CELF2: variants seen among roughly 807,000 people sequenced by gnomAD.
CELF2 encodes CUGBP Elav-like family member 2.
CELF2 carries 8 observed loss-of-function variants against 62.6 expected under a neutral mutation model. That is an observed-to-expected ratio of 0.13 (90% confidence interval 0.07 to 0.23). CELF2 has a LOEUF of 0.23. Among genes scored for constraint, CELF2 ranks in the 10% least tolerant of loss-of-function variants. The pLI is 1.00. For missense variants in CELF2, 333 were observed against 671.0 expected (o/e 0.50, Z 5.56); for synonymous variants, 258 against 250.0 (o/e 1.03, Z -0.30).
the CELF2 span, among the ~76,000 whole-genome samples, chr10:10,725,468 T>A: frequency 4.0e-4 from 61 of 152,338 alleles, no homozygotes; most frequent in African/African-American, 1.4e-3. Flanking sequence ...TAATGTATAC[T>A]CACGGCTGGT....
the CELF2 span, among the ~76,000 whole-genome samples, chr10:10,561,383 C>G: frequency 3.9e-5 from 6 of 152,238 alleles, no homozygotes; most frequent in African/African-American, 7.2e-5. Context: ...TAGTCATGCT[C>G]CATTTCCTTT....
At chr10:10,998,061 T>C (rs910781424) in intron 2 of CELF2, among the ~76,000 whole-genome samples, 2 of 152,210 alleles carry the variant, frequency 1.3e-5, no homozygotes, top group African/African-American at 4.8e-5. Context: ...CCTGCCACCA[T>C]GTAAGATGTG....
the CELF2 span, among the ~76,000 whole-genome samples, chr10:10,514,344 A>T: frequency 6.6e-6 from 1 of 152,222 alleles, no homozygotes; most frequent in Non-Finnish European, 1.5e-5. Flanking sequence ...TAACTGACCT[A>T]CTGGTGAATC....
Position 11,224,257 on chromosome 10 carries a change from G to T in CELF2, c.354+6750G>T, listed in dbSNP as rs1281052750. Among the ~76,000 whole-genome samples the T allele has an allele frequency of 6.6e-6, 1 of 152,158 alleles. No homozygotes were observed. Among genetic ancestry groups the T allele is most frequent in the Non-Finnish European group, 1.5e-5 (1 of 68,046 alleles). On this transcript the variant is annotated intron_variant, in intron 3 of 12. Transcript: ENST00000633077. This position sits in a 1 kb window ranked among gnomAD's most constrained non-coding sequence, Gnocchi z 4.5. Reference sequence around the variant, plus strand: ...ATTAATAGGACTGTTGCCAGGGCTTGTGTGAGAAAGTATGTTAACGCGCTG... The same window carrying T: ...ATTAATAGGACTGTTGCCAGGGCTTTTGTGAGAAAGTATGTTAACGCGCTG...
intron 1 of CELF2, among the ~76,000 whole-genome samples, chr10:10,875,821 C>G (rs1354675246): frequency 6.6e-6 from 1 of 152,240 alleles, no homozygotes; most frequent in Non-Finnish European, 1.5e-5. Context: ...CTCTGCCTCT[C>G]TCTACCAATT....
At chr10:10,830,088 A>G in intron 1 of CELF2, among the ~76,000 whole-genome samples, 1 of 151,922 alleles carries the variant, frequency 6.6e-6, no homozygotes, top group East Asian at 1.9e-4. Context: ...GTTAAACTAT[A>G]GGCAGTCATG....
rs190611337 is a variant in CELF2 at position 11,199,172 on chromosome 10, T to G, written c.272-18253T>G. Among the ~76,000 whole-genome samples the G allele has an allele frequency of 5.3e-4, 80 of 152,214 alleles. 1 individual carries two copies. In the East Asian group the frequency reaches 7.7e-3, roughly 15 times the overall value. Reference sequence around the variant, plus strand: ...GTTTTATTAGAACCCAAGACCATGATCTCTGGGACCAACATCTTTAATTGG... The same window carrying G: ...GTTTTATTAGAACCCAAGACCATGAGCTCTGGGACCAACATCTTTAATTGG... On this transcript the variant is annotated intron_variant, in intron 2 of 12. Coordinates refer to ENST00000633077, the MANE Select transcript of CELF2 (RefSeq NM_001326342.2).
At chr10:10,600,263 T>C in the CELF2 span, among the ~76,000 whole-genome samples, 1 of 152,198 alleles carries the variant, frequency 6.6e-6, no homozygotes, top group Non-Finnish European at 1.5e-5. Flanking sequence ...TGAAAAGAGA[T>C]GTTTTCTTGT....
chr10:10,559,723 A>T, the CELF2 span, among the ~76,000 whole-genome samples: 1 of 152,202 alleles, frequency 6.6e-6, no homozygotes, highest in Non-Finnish European at 1.5e-5. Flanking sequence ...CTATCTGAGA[A>T]TTGTAAGGTA....
intron 2 of CELF2, among the ~76,000 whole-genome samples, chr10:10,978,037 T>G (rs545457103): frequency 1.0e-4 from 15 of 148,032 alleles, no homozygotes; most frequent in African/African-American, 3.4e-4. Flanking sequence ...TTTTTTTGTT[T>G]TTTGTTTTTT....
At chr10:10,496,952 G>A in the CELF2 span, among the ~76,000 whole-genome samples, 1 of 152,144 alleles carries the variant, frequency 6.6e-6, no homozygotes, top group East Asian at 1.9e-4. Context: ...CACTTTGGGA[G>A]GCCAAGGTGG....
At chr10:11,142,791 G>A (rs759121727) in intron 1 of CELF2, among the ~76,000 whole-genome samples, 3 of 152,158 alleles carry the variant, frequency 2.0e-5, no homozygotes, top group Non-Finnish European at 2.9e-5. Flanking sequence ...GTAGTGGTGC[G>A]TGGAATGAAT....
chr10:11,007,512 C>T (rs1307065820), intron 1 of CELF2, among the ~76,000 whole-genome samples: 1 of 152,094 alleles, frequency 6.6e-6, no homozygotes, highest in African/African-American at 2.4e-5. Context: ...ATATGTGCAG[C>T]ATAATCATAT....
chr10:10,464,363 T>C, the CELF2 span, among the ~76,000 whole-genome samples: 1 of 152,168 alleles, frequency 6.6e-6, no homozygotes, highest in African/African-American at 2.4e-5. Context: ...CGACTTTCCA[T>C]AGAATCAGTG....
In CELF2 at chr10:11,326,379, C is replaced by G. The variant is rs4747902; in HGVS notation, c.1438+400C>G. Among the ~76,000 whole-genome samples the G allele has an allele frequency of 2.0e-3, 301 of 152,366 alleles. 11 individuals carry two copies. Among genetic ancestry groups the G allele is most frequent in the Admixed American group, 0.018 (271 of 15,312 alleles). The stretch of plus-strand genomic sequence containing the variant: ...ACCCATTCATCAGCACCAACACATC[C>G]ATGTGTTCAGGCTGCTTGCGTGATC... On this transcript the variant is annotated intron_variant, in intron 12 of 12. Transcript: ENST00000633077.
the CELF2 span, among the ~76,000 whole-genome samples, chr10:10,637,442 C>T: frequency 6.6e-6 from 1 of 152,166 alleles, no homozygotes; most frequent in African/African-American, 2.4e-5. Context: ...CATCTTGCAG[C>T]CATTGTATTT....
chr10:10,951,826 A>G (rs951247633), intron 2 of CELF2: 3 of 152,396 alleles, frequency 2.0e-5, no homozygotes, highest in African/African-American at 7.2e-5. Flanking sequence ...TGGGCCCAGC[A>G]GCCCAAACAT....
chr10:10,494,195 C>G, the CELF2 span, among the ~76,000 whole-genome samples: 1 of 152,282 alleles, frequency 6.6e-6, no homozygotes, highest in African/African-American at 2.4e-5. Context: ...GCAGGAATCA[C>G]TCTCTCTCCA....
chr10:10,905,709 C>T (rs2063283145), intron 1 of CELF2, among the ~76,000 whole-genome samples: 1 of 151,950 alleles, frequency 6.6e-6, no homozygotes, highest in Non-Finnish European at 1.5e-5. Flanking sequence ...AACCCTGTCT[C>T]TACTAAAAAT....
Sources: gnomAD v4.1 joint callset for allele counts (sites outside exome capture counted in the v4.1 genomes callset) on GRCh38, gnomAD v4.1.1 for gene constraint, Gnocchi (gnomAD v3.1) non-coding constraint, MANE v1.5 for transcripts, NCBI Gene and HGNC (gene_info 2026-07-23, HGNC 2026-07-21) for gene names.